Variants in PTPRT observed in about 807,000 individuals in gnomAD.
PTPRT encodes the protein receptor-type tyrosine-protein phosphatase T.
A neutral mutation model predicts 176.8 loss-of-function variants in PTPRT; 56 were observed. The ratio of observed to expected loss-of-function variants is 0.32; its 90% CI spans 0.26 to 0.40. The LOEUF is 0.40. Ranked by LOEUF, PTPRT falls within the 10% of genes least tolerant of loss-of-function variation. PTPRT has a pLI of 1.00. For missense variants in PTPRT, 1,540 were observed against 1,908.2 expected, an observed-to-expected ratio of 0.81 and a Z score of 3.60; for synonymous variants, 783 against 739.0, an observed-to-expected ratio of 1.06 and a Z score of -0.96.
At position 42,846,601 on chromosome 20, in the gene PTPRT, G is replaced by A. The variant is rs1300577841; in HGVS notation, c.214+39206C>T. Among the ~76,000 whole-genome samples, 4 of 152,204 alleles carry A rather than the reference G, an allele frequency of 2.6e-5. No individual in the cohort carries two copies. In the East Asian group the frequency reaches 7.7e-4, roughly 29 times the overall value. On this transcript the variant is annotated intron_variant, in intron 2 of 30. Transcript: ENST00000373187. ...GACAATGGCTACAGGCATTTGGTGAGCCTCAAACACCATAGGGGATAAAGT... is the reference window on the plus strand; with the variant it reads ...GACAATGGCTACAGGCATTTGGTGAACCTCAAACACCATAGGGGATAAAGT...
chr20:42,622,038 T>C (rs2074207194), intron 7 of PTPRT, among the ~76,000 whole-genome samples: 2 of 152,218 alleles, frequency 1.3e-5, no homozygotes, highest in South Asian at 4.1e-4. Flanking sequence ...CTTGACACTT[T>C]GCTAACCGTT....
chr20:42,594,048 G>A lies in PTPRT; in HGVS notation c.1153+83818C>T, dbSNP rs916129075. ...AGTACCAGAGAGTACCGGAGGAGAAGGGAAGTGGGGAGCTGTCCTAGAGAA... is the reference window on the plus strand; with the variant it reads ...AGTACCAGAGAGTACCGGAGGAGAAAGGAAGTGGGGAGCTGTCCTAGAGAA... On this transcript the variant is annotated intron_variant, in intron 7 of 30. Transcript: ENST00000373187. Among the ~76,000 whole-genome samples the A allele has an allele frequency of 3.9e-5, 6 of 152,254 alleles. No individual in the cohort carries two copies. The East Asian group carries it at 1.2e-3, about 29-fold the overall frequency.
chr20:42,743,327 C>G (rs1344186636), intron 6 of PTPRT, among the ~76,000 whole-genome samples: 1 of 152,146 alleles, frequency 6.6e-6, no homozygotes, highest in Admixed American at 6.5e-5. Flanking sequence ...GCCTCCTTTT[C>G]TACCAGGTTT....
intron 1 of PTPRT, among the ~76,000 whole-genome samples, chr20:43,154,023 G>T (rs770472769): frequency 6.6e-6 from 1 of 152,164 alleles, no homozygotes; most frequent in Admixed American, 6.6e-5. Context: ...ATATCTTCAC[G>T]TCTTGGGGAA....
chr20:42,184,858 A>G (rs1249662502), intron 16 of PTPRT, among the ~76,000 whole-genome samples: 1 of 150,718 alleles, frequency 6.6e-6, no homozygotes, highest in Non-Finnish European at 1.5e-5. Flanking sequence ...GTGGTCTCGA[A>G]CTTCTGACCT....
chr20:42,929,946 T>C (rs1252230991), intron 1 of PTPRT, among the ~76,000 whole-genome samples: 3 of 152,226 alleles, frequency 2.0e-5, no homozygotes, highest in Non-Finnish European at 4.4e-5. Flanking sequence ...GACCCATTAC[T>C]GCAAGTTCTG....
At chr20:42,787,495 C>T (rs1600738267) in intron 3 of PTPRT, among the ~76,000 whole-genome samples, 3 of 152,254 alleles carry the variant, frequency 2.0e-5, no homozygotes, top group South Asian at 2.1e-4. Context: ...CTCCTAGAAC[C>T]GAATACATCA....
intron 4 of PTPRT, among the ~76,000 whole-genome samples, chr20:42,774,680 C>T (rs1427463500): frequency 6.6e-6 from 1 of 152,238 alleles, no homozygotes; most frequent in Non-Finnish European, 1.5e-5. Flanking sequence ...CCCATACATT[C>T]AGGGATGCCC....
intron 12 of PTPRT, among the ~76,000 whole-genome samples, chr20:42,298,407 AC>A (rs2057417819): frequency 6.6e-6 from 1 of 152,172 alleles, no homozygotes; most frequent in African/African-American, 2.4e-5. Context: ...AGTTGGTTTT[AC>A]CCTTAAGGAA....
chr20:42,362,796 T>C (rs1465336913), intron 9 of PTPRT, among the ~76,000 whole-genome samples: 1 of 152,068 alleles, frequency 6.6e-6, no homozygotes, highest in Non-Finnish European at 1.5e-5. Flanking sequence ...TTTCTGTAAG[T>C]CTAAAATTAT....
At chr20:42,496,991 G>T (rs1289708024) in intron 7 of PTPRT, among the ~76,000 whole-genome samples, 1 of 152,112 alleles carries the variant, frequency 6.6e-6, no homozygotes, top group Non-Finnish European at 1.5e-5. Context: ...GTTCTAGGGG[G>T]CCAGAGGTAT....
At chr20:42,681,078 G>A (rs73266062) in intron 6 of PTPRT, among the ~76,000 whole-genome samples, 9,684 of 152,216 alleles carry the variant, frequency 0.064, 938 homozygotes, top group African/African-American at 0.21. Flanking sequence ...AGAAGGCACA[G>A]GTACTGGTGG....
intron 18 of PTPRT, among the ~76,000 whole-genome samples, chr20:42,136,232 C>CTTTT (rs397864699): frequency 0.013 from 851 of 63,060 alleles, 131 homozygotes; most frequent in Middle Eastern, 0.045. Context: ...AAGAACAGTG[C>CTTTT]TTTTTTTTTT....
intron 1 of PTPRT, among the ~76,000 whole-genome samples, chr20:43,032,030 G>C (rs1986158537): frequency 6.6e-6 from 1 of 152,124 alleles, no homozygotes; most frequent in Non-Finnish European, 1.5e-5. Flanking sequence ...AGAACGGCCA[G>C]AAATCATCAC....
At chr20:42,451,576 T>C (rs1158306227) in intron 8 of PTPRT, among the ~76,000 whole-genome samples, 1 of 151,902 alleles carries the variant, frequency 6.6e-6, no homozygotes, top group African/African-American at 2.4e-5. Context: ...GGAAAATGAA[T>C]GGAGAAACTG....
At chr20:43,154,425 T>C (rs1600754426) in intron 1 of PTPRT, among the ~76,000 whole-genome samples, 1 of 152,236 alleles carries the variant, frequency 6.6e-6, no homozygotes, top group African/African-American at 2.4e-5. Flanking sequence ...ACTACAGCTA[T>C]GTACAGTATT....
At chr20:42,433,783 T>C (rs991623457) in intron 9 of PTPRT, among the ~76,000 whole-genome samples, 4 of 152,216 alleles carry the variant, frequency 2.6e-5, no homozygotes, top group Non-Finnish European at 2.9e-5. Context: ...AGACCACAGT[T>C]CTACAATCAA....
intron 7 of PTPRT, among the ~76,000 whole-genome samples, chr20:42,571,827 C>T (rs2073160067): frequency 6.6e-6 from 1 of 152,158 alleles, no homozygotes; most frequent in South Asian, 2.1e-4. Flanking sequence ...GCCATGCCCT[C>T]ACCTCCCCTG....
At chr20:43,004,125 T>A (rs1376382134) in intron 1 of PTPRT, among the ~76,000 whole-genome samples, 2 of 150,368 alleles carry the variant, frequency 1.3e-5, no homozygotes, top group Non-Finnish European at 1.5e-5. Context: ...TAAAAACTTT[T>A]AAAAATCTGT....
Sources: allele counts gnomAD v4.1 joint callset (sites outside exome capture counted in the v4.1 genomes callset), GRCh38; gene constraint gnomAD v4.1.1; transcripts MANE v1.5; gene names NCBI Gene and HGNC (gene_info 2026-07-23, HGNC 2026-07-21).